DENND4C: variants seen among roughly 807,000 people sequenced by gnomAD.
DENND4C encodes DENN domain containing 4C.
DENND4C carries 108 observed loss-of-function variants against 203.0 expected under a neutral mutation model. That is an observed-to-expected ratio of 0.53 (90% CI 0.46 to 0.62). The LOEUF is 0.62. Among genes scored for constraint, DENND4C ranks in the 20% least tolerant of loss-of-function variants. The pLI is 0.00. For synonymous variants in DENND4C, 871 were observed against 792.4 expected (o/e 1.10, Z -1.67); for missense variants, 2,481 against 2,301.2 (o/e 1.08, Z -1.60).
At chr9:19,307,921 G>A (rs1183072759) in intron 10 of DENND4C, among the ~76,000 whole-genome samples, 2 of 151,732 alleles carry the variant, frequency 1.3e-5, no homozygotes, top group African/African-American at 4.8e-5. Context: ...TCTTAGATTT[G>A]GAGTTTATCA....
At position 19,329,222 on chromosome 9, in the gene DENND4C, T is replaced by A. The variant is rs1818539313; in HGVS notation, c.2253+1060T>A. 2.0e-5 allele frequency among the ~76,000 whole-genome samples: 3 copies of A among 152,046 alleles called. No individual in the cohort carries two copies. In the South Asian group the frequency reaches 6.2e-4, roughly 32 times the overall value. On this transcript the variant is annotated intron_variant, in intron 16 of 32. Transcript: ENST00000434457. ...TGCATCCTTTAGCCATTAACCCCAA[T>A]TCTCAATCCCCAGCAGCCCTAGGCA...
chr9:19,333,433 A>G (rs1042807910), intron 17 of DENND4C, among the ~76,000 whole-genome samples: 1 of 152,140 alleles, frequency 6.6e-6, no homozygotes, highest in African/African-American at 2.4e-5. Flanking sequence ...CCTGTCTTGT[A>G]CATTGTGTAG....
intron 1 of DENND4C, among the ~76,000 whole-genome samples, chr9:19,236,115 A>T (rs1012036627): frequency 6.6e-6 from 1 of 152,010 alleles, no homozygotes; most frequent in Non-Finnish European, 1.5e-5. Flanking sequence ...TAAAAGCATA[A>T]ATGTTATAAA....
chr9:19,359,522 T>G (rs1563840548), intron 28 of DENND4C, among the ~76,000 whole-genome samples: 1 of 151,902 alleles, frequency 6.6e-6, no homozygotes. Context: ...TTAAAAAGCT[T>G]TCTTGCTTTC....
In DENND4C at chr9:19,324,369, A is replaced by C. The variant is rs1843371338; in HGVS notation, c.1815A>C (p.Leu605Phe). ...ATATTTTGTTTTCCTCAGGATTTTT[A>C]AAAAGTCGAGATCGTGCCTATGCAA... ...ADSLFDRQGFLKSRDRAYAKF... is the reference protein window; with the variant it reads ...ADSLFDRQGFFKSRDRAYAKF... Residue 605 changes from leucine (L) to phenylalanine (F), a missense_variant, in exon 13 of 33, where the codon TTA becomes TTC. Leu to Phe is a conservative substitution (Grantham distance 22). This residue lies in a region of DENND4C where 2,289 missense variants were observed against 2,113.3 expected (regional missense o/e 1.08). Coordinates refer to ENST00000434457, the MANE Select transcript of DENND4C (RefSeq NM_001330640.2). 6.3e-7 allele frequency: 1 copy of C among 1,582,632 alleles called. No homozygotes were observed. Among genetic ancestry groups the C allele is most frequent in the African/African-American group, 1.4e-5 (1 of 72,694 alleles).
At chr9:19,309,714 T>G (rs1213922038) in intron 10 of DENND4C, among the ~76,000 whole-genome samples, 4 of 152,138 alleles carry the variant, frequency 2.6e-5, no homozygotes, top group African/African-American at 9.7e-5. Context: ...ATTGGGATTT[T>G]TGTTAGAATT....
chr9:19,235,226 A>T (rs1400799505), intron 1 of DENND4C, among the ~76,000 whole-genome samples: 2 of 152,146 alleles, frequency 1.3e-5, no homozygotes, highest in Non-Finnish European at 2.9e-5. Flanking sequence ...CGGCCTCCCA[A>T]AGTGCTGGGA....
chr9:19,305,448 G>A lies in DENND4C; in HGVS notation c.1408G>A (p.Val470Ile). The change falls in exon 10 of 33, where the codon GTT (valine) becomes ATT (isoleucine). Residue 470 changes from valine to isoleucine, a missense_variant. Physicochemically the swap from Val to Ile is conservative, Grantham distance 29. Coordinates refer to ENST00000434457, the MANE Select transcript of DENND4C (RefSeq NM_001330640.2). ...LSAPLPFIVGVDSRYFDLHDP... is the reference protein window; with the variant it reads ...LSAPLPFIVGIDSRYFDLHDP... ...TGCACCTTTACCATTTATAGTTGGA[G>A]TTGACTCAAGGTATTTTGATCTTCA... is the stretch of plus-strand genomic sequence containing the variant. 6.2e-7 allele frequency: 1 copy of A among 1,613,914 alleles called. No individual in the cohort carries two copies. Among genetic ancestry groups the A allele is most frequent in the African/African-American group, 1.3e-5 (1 of 75,026 alleles).
At chr9:19,247,418 CAG>C (rs1825562184) in intron 1 of DENND4C, among the ~76,000 whole-genome samples, 1 of 152,164 alleles carries the variant, frequency 6.6e-6, no homozygotes, top group Admixed American at 6.5e-5. Flanking sequence ...TTTTTCAAGA[CAG>C]GGTCTCATTC....
At chr9:19,344,862 G>A (rs539394643) in intron 22 of DENND4C, among the ~76,000 whole-genome samples, 4 of 152,126 alleles carry the variant, frequency 2.6e-5, no homozygotes, top group Non-Finnish European at 5.9e-5. Context: ...TCTAGGGGCT[G>A]GAAAGTCCAG....
At chr9:19,338,474 T>A (rs1289122474) in intron 20 of DENND4C, among the ~76,000 whole-genome samples, 1 of 152,120 alleles carries the variant, frequency 6.6e-6, no homozygotes, top group African/African-American at 2.4e-5. Flanking sequence ...CAGGTCCCCC[T>A]TATATATATT....
chr9:19,359,552 A>T (rs1269377884), intron 28 of DENND4C, among the ~76,000 whole-genome samples: 1 of 151,758 alleles, frequency 6.6e-6, no homozygotes. Flanking sequence ...AAGATGTTTT[A>T]TGCTTATGTT....
At chr9:19,310,391 G>A in intron 10 of DENND4C, among the ~76,000 whole-genome samples, 1 of 152,154 alleles carries the variant, frequency 6.6e-6, no homozygotes, top group East Asian at 1.9e-4. Context: ...TTGACATCTG[G>A]CCCAAAGCTT....
At position 19,356,810 on chromosome 9, in the gene DENND4C, A is replaced by AGAGAGAGAGAGAGAGAGAGAGT. The variant is rs1447525810; in HGVS notation, c.4782-155_4782-154insAGAGAGAGAGAGAGTGAGAGAG. Among the ~76,000 whole-genome samples the AGAGAGAGAGAGAGAGAGAGAGT allele has an allele frequency of 6.2e-3, 911 of 146,458 alleles. 2 individuals are homozygous for AGAGAGAGAGAGAGAGAGAGAGT. Among genetic ancestry groups the AGAGAGAGAGAGAGAGAGAGAGT allele is most frequent in the Non-Finnish European group, 0.01 (675 of 66,940 alleles). ...GTGTGAGAGAGAGAGAGAGAGAGAG[A>AGAGAGAGAGAGAGAGAGAGAGT]GAGAGAGTGAGAGTGTATTGGAAAT... On this transcript the variant is annotated intron_variant, in intron 26 of 32. Transcript: ENST00000434457.
At chr9:19,340,421 C>T (rs1385931450) in intron 20 of DENND4C, among the ~76,000 whole-genome samples, 1 of 152,066 alleles carries the variant, frequency 6.6e-6, no homozygotes, top group Non-Finnish European at 1.5e-5. Context: ...CAGTTGGCTT[C>T]ATTTGTTTCC....
At chr9:19,270,759 G>GA (rs940540478) in intron 1 of DENND4C, among the ~76,000 whole-genome samples, 7 of 150,800 alleles carry the variant, frequency 4.6e-5, no homozygotes, top group South Asian at 2.1e-4. Flanking sequence ...GCAAGAAAAA[G>GA]AAAAAAAAGG....
At chr9:19,281,779 TA>T (rs1361600180) in intron 2 of DENND4C, among the ~76,000 whole-genome samples, 4 of 152,258 alleles carry the variant, frequency 2.6e-5, no homozygotes, top group African/African-American at 7.2e-5. Flanking sequence ...CATAGCTTAC[TA>T]CATATACAAC....
At chr9:19,258,132 TC>T (rs1828443248) in intron 1 of DENND4C, among the ~76,000 whole-genome samples, 1 of 151,708 alleles carries the variant, frequency 6.6e-6, no homozygotes, top group Admixed American at 6.6e-5. Flanking sequence ...AATCAATCAA[TC>T]AATCTATCTA....
rs768266395 is a variant in DENND4C, at chr9:19,342,671, C to A, written c.3043C>A (p.Gln1015Lys). 6.2e-7 allele frequency: 1 copy of A among 1,610,234 alleles called. No individual in the cohort carries two copies. Among genetic ancestry groups the A allele is most frequent in the East Asian group, 2.2e-5 (1 of 44,654 alleles). The change falls in exon 22 of 33, where the codon CAA becomes AAA. Residue 1015 changes from glutamine (Q) to lysine (K), a missense_variant. By Grantham distance (53) the Gln-to-Lys change is moderately conservative. Around this residue, in one of 3 missense-constraint regions of DENND4C, gnomAD observed 2,289 missense variants for 2,113.3 expected, o/e 1.08. Transcript: ENST00000434457. Reference protein sequence around the residue: ...DASAIVAKHSQPSPEPHSPTE... With the variant: ...DASAIVAKHSKPSPEPHSPTE... ...CTCTGCTATTGTGGCAAAACATTCA[C>A]AACCTAGTCCAGAGCCTCACAGTCC...
Sources: allele counts gnomAD v4.1 joint callset (sites outside exome capture counted in the v4.1 genomes callset), GRCh38; gene constraint gnomAD v4.1.1; regional missense constraint gnomAD v4.1.1; transcripts MANE v1.5; gene names NCBI Gene and HGNC (gene_info 2026-07-23, HGNC 2026-07-21).